ZNF536: variants seen among roughly 807,000 people sequenced by gnomAD.
ZNF536 encodes the protein zinc finger protein 536.
Under a neutral mutation model 84.5 loss-of-function variants are expected in ZNF536, and 13 were observed. The observed-to-expected ratio is 0.15, with a 90% CI of 0.10 to 0.24. ZNF536 has a LOEUF of 0.24. ZNF536 is among the 10% of genes least tolerant of loss of function. ZNF536 has a pLI of 1.00. For missense variants in ZNF536, 1,536 were observed against 1,747.5 expected (o/e 0.88, Z 2.16); for synonymous variants, 811 against 742.5 (o/e 1.09, Z -1.50).
At chr19:30,549,604 G>T (rs989814196) in intron 4 of ZNF536, 90 bp downstream of exon 4, 1 of 1,367,898 alleles carries the variant, frequency 7.3e-7, no homozygotes, top group Non-Finnish European at 9.6e-7. Flanking sequence ...ACTTATCCAT[G>T]AGCAACTTTT....
intron 2 of ZNF536, among the ~76,000 whole-genome samples, chr19:30,466,443 A>G (rs1342161152): frequency 6.7e-6 from 1 of 150,262 alleles, no homozygotes; most frequent in African/African-American, 2.4e-5. Flanking sequence ...GCATGCCTGT[A>G]GTTGTAGCTA....
intron 2 of ZNF536, among the ~76,000 whole-genome samples, chr19:30,488,364 A>G (rs1216236794): frequency 1.3e-5 from 2 of 152,118 alleles, no homozygotes; most frequent in African/African-American, 4.8e-5. Context: ...GGCTTCGGGA[A>G]GTGCCCGTTG....
chr19:30,229,667 G>T (rs1240529697), intron 1 of ZNF536, among the ~76,000 whole-genome samples: 2 of 152,236 alleles, frequency 1.3e-5, no homozygotes. Flanking sequence ...TCTGGCTGAA[G>T]GCTGCTTTAG....
intron 2 of ZNF536, among the ~76,000 whole-genome samples, chr19:30,332,434 G>C (rs575088989): frequency 1.3e-5 from 2 of 152,042 alleles, no homozygotes; most frequent in South Asian, 4.1e-4. Context: ...CTCAGTGGGC[G>C]TCCAGGCATC....
At chr19:30,669,015 C>A (rs2050442010) in intron 1 of ZNF536, among the ~76,000 whole-genome samples, 1 of 152,206 alleles carries the variant, frequency 6.6e-6, no homozygotes, top group Non-Finnish European at 1.5e-5. Context: ...TCGGGGGACC[C>A]CCTCACACGC....
intron 1 of ZNF536, among the ~76,000 whole-genome samples, chr19:30,591,242 C>A (rs1010805232): frequency 3.3e-5 from 5 of 152,218 alleles, no homozygotes; most frequent in African/African-American, 1.2e-4. Flanking sequence ...ACTGTTCACA[C>A]TTGTGCAGGA....
At chr19:30,356,055 A>G (rs1471775569) in intron 3 of ZNF536, among the ~76,000 whole-genome samples, 4 of 152,258 alleles carry the variant, frequency 2.6e-5, no homozygotes, top group Non-Finnish European at 4.4e-5. Flanking sequence ...CACTGATTAC[A>G]TAAACATTGA....
chr19:30,358,860 T>C (rs1341731000), intron 3 of ZNF536, among the ~76,000 whole-genome samples: 1 of 152,200 alleles, frequency 6.6e-6, no homozygotes, highest in Non-Finnish European at 1.5e-5. Flanking sequence ...GGGCACGTTT[T>C]GGACTCTGCT....
At chr19:30,476,412 A>G (rs1272954795) in intron 2 of ZNF536, among the ~76,000 whole-genome samples, 3 of 152,054 alleles carry the variant, frequency 2.0e-5, no homozygotes, top group Non-Finnish European at 4.4e-5. Flanking sequence ...AGGTAATTTA[A>G]TTTGTCTGTT....
rs139982659 is a variant in ZNF536, at chr19:30,548,588, C to T, written c.2969C>T (p.Ser990Phe). The part of the protein sequence containing the change: ...VRPDAASLPG[S>F]SVTVQDSIAW... ...CCAGATGCCGCCTCCCTCCCGGGCT[C>T]CTCGGTAACTGTGCAGGACAGCATT... is the stretch of plus-strand genomic sequence containing the variant. The change falls in exon 4 of 5, where the codon TCC becomes TTC. Residue 990 changes from serine (S) to phenylalanine (F), a missense_variant. Coordinates refer to ENST00000355537, the MANE Select transcript of ZNF536 (RefSeq NM_014717.3). The T allele has an allele frequency of 6.2e-7, 1 of 1,614,172 alleles. No homozygotes were observed. The highest frequency in any genetic ancestry group is 1.6e-4 in the Middle Eastern group (1 of 6,062).
intron 1 of ZNF536, among the ~76,000 whole-genome samples, chr19:30,632,345 C>T (rs151223891): frequency 6.6e-6 from 1 of 152,316 alleles, no homozygotes; most frequent in Non-Finnish European, 1.5e-5. Context: ...GTGGCTCACA[C>T]TTGTAATCCC....
At chr19:30,542,408 A>G (rs1403363294) in intron 3 of ZNF536, among the ~76,000 whole-genome samples, 2 of 152,228 alleles carry the variant, frequency 1.3e-5, no homozygotes, top group Non-Finnish European at 2.9e-5. Context: ...GTTATCAATG[A>G]TATTCTAAAG....
At chr19:30,511,652 A>T (rs1283629525) in intron 2 of ZNF536, among the ~76,000 whole-genome samples, 1 of 152,236 alleles carries the variant, frequency 6.6e-6, no homozygotes, top group East Asian at 1.9e-4. Context: ...CCCACAGCAG[A>T]CATTAAAGTG....
At chr19:30,239,999 G>C (rs1230409715) in intron 1 of ZNF536, among the ~76,000 whole-genome samples, 2 of 152,164 alleles carry the variant, frequency 1.3e-5, no homozygotes, top group African/African-American at 2.4e-5. Context: ...GGTGTACCTG[G>C]ACTTTATCCC....
chr19:30,290,796 C>T (rs990065018), intron 2 of ZNF536, among the ~76,000 whole-genome samples: 1 of 152,162 alleles, frequency 6.6e-6, no homozygotes, highest in Non-Finnish European at 1.5e-5. Flanking sequence ...AGGTTTTAAG[C>T]CCTGCATGTA....
At chr19:30,567,322 A>C (rs1276465134) in intron 1 of ZNF536, among the ~76,000 whole-genome samples, 2 of 152,104 alleles carry the variant, frequency 1.3e-5, no homozygotes, top group Non-Finnish European at 2.9e-5. Flanking sequence ...CTGGGTAGGG[A>C]CCAGGTGTTT....
Position 30,489,322 on chromosome 19 carries a change from G to A in ZNF536, c.2170+43590G>A, listed in dbSNP as rs200214432. On this transcript the variant is annotated intron_variant, in intron 2 of 4. Transcript: ENST00000355537. ...AAGCTGAGGTGTGGTGCTCAGGCTTGCAGTCCCAACACTTTGGGAGGCCGA... is the reference window on the plus strand; with the variant it reads ...AAGCTGAGGTGTGGTGCTCAGGCTTACAGTCCCAACACTTTGGGAGGCCGA... Among the ~76,000 whole-genome samples the A allele has an allele frequency of 8.5e-5, 13 of 152,318 alleles. No homozygotes were observed. In the East Asian group the frequency reaches 1.9e-3, roughly 23 times the overall value.
Position 30,570,629 on chromosome 19 carries a change from T to C in ZNF536, c.169+21115T>C, listed in dbSNP as rs192448474. ...GATTTCAGCGCCACTGAGAACTATATACAAACGTTCCCATTGGACAGGCTG... is the reference window on the plus strand; with the variant it reads ...GATTTCAGCGCCACTGAGAACTATACACAAACGTTCCCATTGGACAGGCTG... On this transcript the variant is annotated intron_variant, in intron 1 of 1. Coordinates refer to the ZNF536 transcript ENST00000592773. Among the ~76,000 whole-genome samples, 5 of 152,300 alleles carry C rather than the reference T, an allele frequency of 3.3e-5. No individual in the cohort carries two copies. In the East Asian group the frequency reaches 9.7e-4, roughly 29 times the overall value.
chr19:30,631,362 T>C (rs149827670), intron 1 of ZNF536, among the ~76,000 whole-genome samples: 1 of 152,094 alleles, frequency 6.6e-6, no homozygotes, highest in East Asian at 1.9e-4. Context: ...GAATTCACCA[T>C]GGCTGAGCCG....
Sources: gnomAD v4.1 joint callset for allele counts (sites outside exome capture counted in the v4.1 genomes callset) on GRCh38, gnomAD v4.1.1 for gene constraint, MANE v1.5 for transcripts, NCBI Gene and HGNC (gene_info 2026-07-23, HGNC 2026-07-21) for gene names.